Variants in SLC45A3 observed in about 807,000 individuals in gnomAD.
The protein encoded by SLC45A3 is prostate cancer associated protein 2.
SLC45A3 carries 17 observed loss-of-function variants against 35.3 expected under a neutral mutation model. That is an observed-to-expected ratio of 0.48 (90% CI 0.33 to 0.72). The LOEUF (loss-of-function observed/expected upper bound fraction) is 0.72, where lower values mean the gene tolerates loss of function less well. SLC45A3 is among the 30% of genes least tolerant of loss of function. SLC45A3 has a pLI of 0.02. For synonymous variants in SLC45A3, 288 were observed against 334.3 expected (o/e 0.86, Z 1.51); for missense variants, 597 against 731.7 (o/e 0.82, Z 2.12).
chr1:205,665,570 G>A (rs1671106041), intron 1 of SLC45A3, among the ~76,000 whole-genome samples: 1 of 152,128 alleles, frequency 6.6e-6, no homozygotes, highest in African/African-American at 2.4e-5. Context: ...ATGGGAGAGT[G>A]GAGCCGTCCC....
At position 205,666,253 on chromosome 1, in the gene SLC45A3, A is replaced by G. The variant is rs1458548222; in HGVS notation, c.-230-1367T>C. Among the ~76,000 whole-genome samples the G allele has an allele frequency of 6.6e-6, 1 of 152,010 alleles. No individual in the cohort carries two copies. Among genetic ancestry groups the G allele is most frequent in the Non-Finnish European group, 1.5e-5 (1 of 68,002 alleles). ...CTGAGTGTGGTGGCTCATGCCTATA[A>G]TCCCAGAACTTCAAGAGGCCAAGGC... On this transcript the variant is annotated intron_variant, in intron 1 of 4. Coordinates refer to ENST00000367145, the MANE Select transcript of SLC45A3 (RefSeq NM_033102.3). This position sits in a 1 kb window ranked among gnomAD's most constrained non-coding sequence, Gnocchi z 4.1.
In SLC45A3 at chr1:205,658,036, A is replaced by G. The variant is rs1203951568; in HGVS notation, c.*1198T>C. On this transcript the variant is annotated 3_prime_UTR_variant, in exon 5 of 5. Transcript: ENST00000367145. ...GGGGGTGCTCCTGAGTTTCTGTGTG[A>G]GATTCCCCAAGCACAGATATACTCT... 2 of 228,040 alleles carry G rather than the reference A, an allele frequency of 8.8e-6. No homozygotes were observed. Among genetic ancestry groups the G allele is most frequent in the Non-Finnish European group, 1.7e-5 (2 of 114,554 alleles). The allele number at this position is 228,040 out of a possible 1,614,324, so 14.1% of individuals were successfully genotyped here.
chr1:205,674,500 T>C (rs530505241), intron 1 of SLC45A3, among the ~76,000 whole-genome samples: 48 of 147,508 alleles, frequency 3.3e-4, no homozygotes, highest in African/African-American at 1.2e-3. Context: ...GGCAGGTGAA[T>C]CGCTTGAACC....
At position 205,661,962 on chromosome 1, in the gene SLC45A3, C is replaced by T. The variant is rs1223563458; in HGVS notation, c.1123G>A (p.Val375Met). Reference sequence around the variant, plus strand: ...GCGGCTGAAGCTGTCACCACGGCCACACTGTGGGACAGGCATGTGGCACCG... The same window carrying T: ...GCGGCTGAAGCTGTCACCACGGCCATACTGTGGGACAGGCATGTGGCACCG... ...AAGATCLSHS[V>M]AVVTASAALT... is the part of the protein sequence containing the mutation. The change falls in exon 4 of 5, where the codon GTG becomes ATG. Residue 375 changes from valine to methionine, a missense_variant. Physicochemically the swap from Val to Met is conservative, Grantham distance 21 (BLOSUM62 1). Coordinates refer to ENST00000367145, the MANE Select transcript of SLC45A3 (RefSeq NM_033102.3). The T allele has an allele frequency of 6.2e-7, 1 of 1,614,100 alleles. No homozygotes were observed. The highest frequency in any genetic ancestry group is 8.5e-7 in the Non-Finnish European group (1 of 1,180,058).
At position 205,659,461 on chromosome 1, in the gene SLC45A3, C is replaced by T. The variant is rs760168590; in HGVS notation, c.1435G>A (p.Glu479Lys). The T allele has an allele frequency of 9.9e-6, 16 of 1,614,068 alleles. No homozygotes were observed. Among genetic ancestry groups the T allele is most frequent in the East Asian group, 4.5e-5 (2 of 44,872 alleles). The change falls in exon 5 of 5, where the codon GAG becomes AAG. Residue 479 changes from glutamate (E) to lysine (K), a missense_variant. Physicochemically the swap from Glu to Lys is moderately conservative, Grantham distance 56. This residue lies in a region of SLC45A3 where 555 missense variants were observed against 664.9 expected (regional missense o/e 0.83). Transcript: ENST00000367145. The surrounding 1 kb of genome is among the most constrained non-coding windows in gnomAD (Gnocchi z 5.8). ...CCCCGGCCCGGAACCACCCTGGCCT[C>T]GGTGGGCTCACCCACCACCACACGT... ...SVRVVVGEPTEARVVPGRGIC... is the reference protein window; with the variant it reads ...SVRVVVGEPTKARVVPGRGIC...
Position 205,659,745 on chromosome 1 carries a change from A to G in SLC45A3, c.1225-74T>C. The G allele has an allele frequency of 7.2e-7, 1 of 1,394,208 alleles. No homozygotes were observed. The highest frequency in any genetic ancestry group is 2.4e-5 in the East Asian group (1 of 40,990). The allele number at this position is 1,394,208 out of a possible 1,614,324, so 86.4% of individuals were successfully genotyped here. A position where few individuals can be genotyped will look rare whatever the true frequency, so the allele number is the denominator to read the frequency against. On this transcript the variant is annotated intron_variant, in intron 4 of 4. Coordinates refer to ENST00000367145, the MANE Select transcript of SLC45A3 (RefSeq NM_033102.3). This position sits in a 1 kb window ranked among gnomAD's most constrained non-coding sequence, Gnocchi z 5.8. ...GCACTGGCACCACCCCAGCTGTGAG[A>G]ACAGACCCTTGCCTCCATCCCAGGG...
Position 205,663,279 on chromosome 1 carries a change from C to T in SLC45A3, c.512G>A (p.Gly171Glu). ...YSVYAFMISL[G>E]GCLGYLLPAI... ...AGGCAGGAGGTAGCCCAGGCAGCCC[C>T]CAAGACTGATCATGAAGGCATAGAC... The change falls in exon 3 of 5, where the codon GGG becomes GAG. Residue 171 changes from glycine (G) to glutamate (E), a missense_variant. This residue lies in a region of SLC45A3 where 555 missense variants were observed against 664.9 expected (regional missense o/e 0.83). Transcript: ENST00000367145. 6.2e-7 allele frequency: 1 copy of T among 1,613,556 alleles called. No homozygotes were observed. The highest frequency in any genetic ancestry group is 8.5e-7 in the Non-Finnish European group (1 of 1,180,034).
At position 205,659,729 on chromosome 1, in the gene SLC45A3, C is replaced by T. The variant is rs976934436; in HGVS notation, c.1225-58G>A. ...GACAGGTGTGTACCCAGCACTGGCACCACCCCAGCTGTGAGAACAGACCCT... is the reference window on the plus strand; with the variant it reads ...GACAGGTGTGTACCCAGCACTGGCATCACCCCAGCTGTGAGAACAGACCCT... On this transcript the variant is annotated intron_variant, in intron 4 of 4. Transcript: ENST00000367145. This position sits in a 1 kb window ranked among gnomAD's most constrained non-coding sequence, Gnocchi z 5.8. 9.6e-6 allele frequency: 14 copies of T among 1,463,442 alleles called. No homozygotes were observed. Among genetic ancestry groups the T allele is most frequent in the Non-Finnish European group, 1.3e-5 (14 of 1,096,566 alleles). 90.7% of individuals were successfully genotyped at this position (1,463,442 alleles called of 1,614,324 possible). A position where few individuals can be genotyped will look rare whatever the true frequency, so the allele number is the denominator to read the frequency against.
At chr1:205,673,893 C>G (rs764308060) in intron 1 of SLC45A3, among the ~76,000 whole-genome samples, 3 of 152,190 alleles carry the variant, frequency 2.0e-5, no homozygotes, top group Non-Finnish European at 4.4e-5. Flanking sequence ...CCTAACCTCC[C>G]CTAAGGGAAT....
chr1:205,659,304 C>A lies in SLC45A3; in HGVS notation c.1592G>T (p.Gly531Val). 2 of 1,614,192 alleles carry A rather than the reference C, an allele frequency of 1.2e-6. No individual in the cohort carries two copies. Among genetic ancestry groups the A allele is most frequent in the Non-Finnish European group, 1.7e-6 (2 of 1,180,028 alleles). The change falls in exon 5 of 5, where the codon GGT (glycine) becomes GTT (valine). Residue 531 changes from glycine to valine, a missense_variant. Around this residue, in one of 3 missense-constraint regions of SLC45A3, gnomAD observed 555 missense variants for 664.9 expected, o/e 0.83. Transcript: ENST00000367145. This position sits in a 1 kb window ranked among gnomAD's most constrained non-coding sequence, Gnocchi z 5.8. ...TAYMVSAAGL[G>V]LVAIYFATQV... ...TGTAGCAAAGTAAATGGCGACCAGA[C>A]CCAGGCCTGCGGCAGACACCATATA...
At chr1:205,679,785 TC>T (rs1405174032) in intron 1 of SLC45A3, among the ~76,000 whole-genome samples, 1 of 150,350 alleles carries the variant, frequency 6.7e-6, no homozygotes, top group African/African-American at 2.5e-5. Context: ...GAGGGCTCAG[TC>T]CCCTTTCCCT....
In SLC45A3 at chr1:205,659,411, C is replaced by A. The variant is rs776091785; in HGVS notation, c.1485G>T (p.Leu495=). The A allele has an allele frequency of 1.9e-6, 3 of 1,614,192 alleles. No individual in the cohort carries two copies. Among genetic ancestry groups the A allele is most frequent in the Non-Finnish European group, 2.5e-6 (3 of 1,180,036 alleles). The stretch of plus-strand genomic sequence containing the variant: ...CCTGGGACAGCAGGAAGGCACTATC[C>A]AGGATGGCGAGGTCCAGGCAGATGC... The part of the protein sequence containing the change: ...GRGICLDLAI[L]DSAFLLSQVA... Residue 495 remains leucine, a synonymous_variant, in exon 5 of 5, where the codon CTG becomes CTT. Transcript: ENST00000367145. The surrounding 1 kb of genome is among the most constrained non-coding windows in gnomAD (Gnocchi z 5.8).
Position 205,663,533 on chromosome 1 carries a change from C to T in SLC45A3, c.258G>A (p.Arg86=). The change falls in exon 3 of 5, where the codon CGG becomes CGA. Residue 86 remains arginine (R), a synonymous_variant. Transcript: ENST00000367145. ...CCAAGGACAGTGCCCAGATGAAGGGCCGGCGGCGGCCATAGCGTCCACGCC... is the reference window on the plus strand; with the variant it reads ...CCAAGGACAGTGCCCAGATGAAGGGTCGGCGGCGGCCATAGCGTCCACGCC... ...DHWRGRYGRR[R]PFIWALSLGI... is the part of the protein sequence containing the mutation. The T allele has an allele frequency of 6.2e-7, 1 of 1,612,954 alleles. No individual in the cohort carries two copies. The highest frequency in any genetic ancestry group is 8.5e-7 in the Non-Finnish European group (1 of 1,180,008).
intron 4 of SLC45A3, among the ~76,000 whole-genome samples, chr1:205,661,497 C>T (rs1043190834): frequency 1.3e-5 from 2 of 152,160 alleles, no homozygotes; most frequent in African/African-American, 4.8e-5. Context: ...CTCCCGTCTG[C>T]TGAGGCTGAA....
chr1:205,674,515 A>T (rs564309232), intron 1 of SLC45A3, among the ~76,000 whole-genome samples: 2 of 141,384 alleles, frequency 1.4e-5, no homozygotes, highest in African/African-American at 2.7e-5. Flanking sequence ...TGAACCTGGG[A>T]GGCAGAGGTT....
rs1250504009 is a variant in SLC45A3 at position 205,659,768 on chromosome 1, G to A, written c.1225-97C>T. ...AGAACAGACCCTTGCCTCCATCCCA[G>A]GGGCAATGGGACTTCATGAGAATCA... On this transcript the variant is annotated intron_variant, in intron 4 of 4. Coordinates refer to ENST00000367145, the MANE Select transcript of SLC45A3 (RefSeq NM_033102.3). This position sits in a 1 kb window ranked among gnomAD's most constrained non-coding sequence, Gnocchi z 5.8. The A allele has an allele frequency of 8.8e-7, 1 of 1,137,590 alleles. No individual in the cohort carries two copies. Among genetic ancestry groups the A allele is most frequent in the Non-Finnish European group, 1.2e-6 (1 of 828,984 alleles). 70.5% of individuals were successfully genotyped at this position (1,137,590 alleles called of 1,614,324 possible). A position where few individuals can be genotyped will look rare whatever the true frequency, so the allele number is the denominator to read the frequency against.
At chr1:205,673,666 C>T (rs959037109) in intron 1 of SLC45A3, among the ~76,000 whole-genome samples, 1 of 152,174 alleles carries the variant, frequency 6.6e-6, no homozygotes, top group African/African-American at 2.4e-5. Flanking sequence ...AACTCATTGG[C>T]CTGTAAGGCT....
At position 205,662,088 on chromosome 1, in the gene SLC45A3, C is replaced by G. The variant is rs552544292; in HGVS notation, c.997G>C (p.Ala333Pro). 1.9e-6 allele frequency: 3 copies of G among 1,613,910 alleles called. No homozygotes were observed. The South Asian group carries it at 3.3e-5, about 18-fold the overall frequency. ...MGSLGLFLQC[A>P]ISLVFSLVMD... is the part of the protein sequence containing the mutation. ...ACCAGAGAGAAGACCAGGGAGATGG[C>G]GCACTGCAGGAACAGCCCCAGGCTG... The change falls in exon 4 of 5, where the codon GCC (alanine) becomes CCC (proline). Residue 333 changes from alanine (A) to proline (P), a missense_variant. Around this residue, in one of 3 missense-constraint regions of SLC45A3, gnomAD observed 555 missense variants for 664.9 expected, o/e 0.83. Transcript: ENST00000367145. The surrounding 1 kb of genome is among the most constrained non-coding windows in gnomAD (Gnocchi z 6.2).
In SLC45A3 at chr1:205,664,491, C is replaced by A; in HGVS notation, c.166G>T (p.Val56Leu). The A allele has an allele frequency of 6.2e-7, 1 of 1,614,148 alleles. No individual in the cohort carries two copies. ...GGAGGATGTAGTGACTCACCCAGCA[C>A]CATGGTCATGAACTTCTCCTCTACC... is the stretch of plus-strand genomic sequence containing the variant. ...VGVEEKFMTM[V>L]LGIGPVLGLV... Residue 56 changes from valine to leucine, a missense_variant, in exon 2 of 5, where the codon GTG becomes TTG. Physicochemically the swap from Val to Leu is conservative, Grantham distance 32 (BLOSUM62 1). Transcript: ENST00000367145. This position sits in a 1 kb window ranked among gnomAD's most constrained non-coding sequence, Gnocchi z 5.3.
Sources: gnomAD v4.1 joint callset for allele counts (sites outside exome capture counted in the v4.1 genomes callset) on GRCh38, gnomAD v4.1.1 for gene constraint, gnomAD v4.1.1 regional missense constraint, Gnocchi (gnomAD v3.1) non-coding constraint, MANE v1.5 for transcripts, NCBI Gene and HGNC (gene_info 2026-07-23, HGNC 2026-07-21) for gene names.